Variants in PARP8 observed in about 807,000 individuals in gnomAD.
PARP8 encodes the protein poly(ADP-ribose) polymerase family member 8, also known as protein mono-ADP-ribosyltransferase PARP8.
A neutral mutation model predicts 124.1 loss-of-function variants in PARP8; 51 were observed. The observed-to-expected ratio is 0.41, with a 90% confidence interval of 0.33 to 0.52. The LOEUF is 0.52. PARP8 is among the 20% of genes least tolerant of loss of function. PARP8 has a pLI of 0.21. For missense variants in PARP8, 860 were observed against 1,018.9 expected (o/e 0.84, Z 2.12); for synonymous variants, 391 against 361.5 (o/e 1.08, Z -0.93).
At chr5:50,793,675 G>A (rs546908674) in intron 10 of PARP8, among the ~76,000 whole-genome samples, 3 of 152,226 alleles carry the variant, frequency 2.0e-5, no homozygotes, top group South Asian at 4.1e-4. Context: ...CCAGTTCTGC[G>A]TGTTTTCTTT....
Position 50,829,937 on chromosome 5 carries a change from T to A in PARP8, c.2209T>A (p.Ser737Thr). 1 of 1,609,288 alleles carries A rather than the reference T, an allele frequency of 6.2e-7. No homozygotes were observed. Among genetic ancestry groups the A allele is most frequent in the Non-Finnish European group, 8.5e-7 (1 of 1,177,374 alleles). Residue 737 changes from serine (S) to threonine (T), a missense_variant, in exon 22 of 26, where the codon TCA becomes ACA. This residue lies in a region of PARP8 where 343 missense variants were observed against 474.7 expected (regional missense o/e 0.72). Coordinates refer to ENST00000281631, the MANE Select transcript of PARP8 (RefSeq NM_024615.4). ...AAGTGGAATCTATCTTAGTCCAATGTCAAGCATATCATTTGGTTACTCAGG... is the reference window on the plus strand; with the variant it reads ...AAGTGGAATCTATCTTAGTCCAATGACAAGCATATCATTTGGTTACTCAGG... ...YGSGIYLSPM[S>T]SISFGYSGMN... is the part of the protein sequence containing the mutation.
chr5:50,711,821 A>G (rs1281505641), intron 2 of PARP8, among the ~76,000 whole-genome samples: 1 of 152,116 alleles, frequency 6.6e-6, no homozygotes, highest in Non-Finnish European at 1.5e-5. Flanking sequence ...GAGACACATC[A>G]CTGCTTTACC....
chr5:50,747,307 G>A lies in PARP8; in HGVS notation c.147-2844G>A, dbSNP rs141640300. Among the ~76,000 whole-genome samples, 189 of 151,740 alleles carry A rather than the reference G, an allele frequency of 1.2e-3. 1 individual carries two copies. The highest frequency in any genetic ancestry group is 4.4e-3 in the African/African-American group (181 of 41,378). Reference sequence around the variant, plus strand: ...GGCAAGATGAGCCAGGGAACCCAGGGTATAAGCTATGCTGACTCATGTTCA... The same window carrying A: ...GGCAAGATGAGCCAGGGAACCCAGGATATAAGCTATGCTGACTCATGTTCA... On this transcript the variant is annotated intron_variant, in intron 2 of 25. Coordinates refer to ENST00000281631, the MANE Select transcript of PARP8 (RefSeq NM_024615.4).
intron 2 of PARP8, among the ~76,000 whole-genome samples, chr5:50,728,459 A>G (rs1489462732): frequency 6.6e-6 from 1 of 152,126 alleles, no homozygotes; most frequent in Non-Finnish European, 1.5e-5. Flanking sequence ...TATGACATTC[A>G]GAGTGCAACT....
intron 2 of PARP8, among the ~76,000 whole-genome samples, chr5:50,731,946 A>C (rs1580129835): frequency 2.0e-5 from 3 of 152,170 alleles, no homozygotes; most frequent in Non-Finnish European, 4.4e-5. Context: ...GGGAGTGTTC[A>C]TGCATCTCCC....
chr5:50,799,948 C>G (rs1365403596), intron 14 of PARP8, among the ~76,000 whole-genome samples: 4 of 152,192 alleles, frequency 2.6e-5, no homozygotes, highest in South Asian at 2.1e-4. Context: ...ATCTTCCCAG[C>G]CTTCAAAACT....
Position 50,778,161 on chromosome 5 carries a change from G to A in PARP8, c.579+32G>A, listed in dbSNP as rs376804637. ...ATCAATTTTATGTAATATGAATGGT[G>A]CATTTAAAATACATTTTATTTTATT... On this transcript the variant is annotated intron_variant, in intron 8 of 25. Transcript: ENST00000281631. The A allele has an allele frequency of 5.1e-5, 73 of 1,419,194 alleles. No individual in the cohort carries two copies. In the Middle Eastern group the frequency reaches 5.4e-4, roughly 10 times the overall value. The allele number at this position is 1,419,194 out of a possible 1,614,324, so 87.9% of individuals were successfully genotyped here.
At chr5:50,688,275 T>G (rs965264408) in intron 2 of PARP8, among the ~76,000 whole-genome samples, 1 of 152,224 alleles carries the variant, frequency 6.6e-6, no homozygotes, top group Non-Finnish European at 1.5e-5. Flanking sequence ...ACAGTTGGAC[T>G]TAAGTAAGTA....
chr5:50,706,540 C>G (rs1487721921), intron 2 of PARP8, among the ~76,000 whole-genome samples: 1 of 151,926 alleles, frequency 6.6e-6, no homozygotes, highest in Non-Finnish European at 1.5e-5. Flanking sequence ...TTTAAGAGCT[C>G]AAAAGTTTGG....
chr5:50,729,765 C>T (rs1033856268), intron 2 of PARP8, among the ~76,000 whole-genome samples: 2 of 152,194 alleles, frequency 1.3e-5, no homozygotes, highest in African/African-American at 4.8e-5. Flanking sequence ...CTTCTTGACA[C>T]TGATGACAGC....
At chr5:50,713,155 G>C (rs557814090) in intron 2 of PARP8, among the ~76,000 whole-genome samples, 4 of 152,168 alleles carry the variant, frequency 2.6e-5, no homozygotes, top group Middle Eastern at 3.4e-3. Context: ...TTATAGATCT[G>C]TGGTGATGTT....
At chr5:50,725,020 A>G (rs1756276633) in intron 2 of PARP8, among the ~76,000 whole-genome samples, 4 of 151,862 alleles carry the variant, frequency 2.6e-5, no homozygotes, top group African/African-American at 4.8e-5. Context: ...GTTGCTGTAG[A>G]ACACATTATT....
chr5:50,802,744 T>G (rs1227653351), intron 14 of PARP8, among the ~76,000 whole-genome samples: 1 of 152,178 alleles, frequency 6.6e-6, no homozygotes, highest in Non-Finnish European at 1.5e-5. Flanking sequence ...TCAACATAAA[T>G]TTATGATTAT....
At chr5:50,762,333 C>T (rs1488998934) in intron 6 of PARP8, among the ~76,000 whole-genome samples, 1 of 152,012 alleles carries the variant, frequency 6.6e-6, no homozygotes, top group Non-Finnish European at 1.5e-5. Context: ...TATTTGTATT[C>T]ACTGCCATTG....
chr5:50,806,686 C>T (rs1743879663), intron 14 of PARP8, among the ~76,000 whole-genome samples: 1 of 151,922 alleles, frequency 6.6e-6, no homozygotes, highest in African/African-American at 2.4e-5. Context: ...AGAAACTTTT[C>T]ATGTTGAAAG....
intron 10 of PARP8, among the ~76,000 whole-genome samples, chr5:50,793,461 A>G (rs1417635902): frequency 5.9e-5 from 9 of 152,326 alleles, no homozygotes; most frequent in Middle Eastern, 3.4e-3. Context: ...CACAGTTGGC[A>G]TTCCAGAATT....
intron 18 of PARP8, among the ~76,000 whole-genome samples, chr5:50,825,327 T>C (rs998573696): frequency 1.3e-5 from 2 of 152,226 alleles, no homozygotes; most frequent in Admixed American, 6.5e-5. Flanking sequence ...GACTAAGTGA[T>C]CAAACTCAGT....
intron 2 of PARP8, among the ~76,000 whole-genome samples, chr5:50,693,803 T>C (rs978664103): frequency 6.6e-6 from 1 of 151,436 alleles, no homozygotes; most frequent in Non-Finnish European, 1.5e-5. Flanking sequence ...TGTGGATTAA[T>C]TGTATGATTA....
In PARP8 at chr5:50,815,532, C is replaced by A; in HGVS notation, c.1668+8C>A. ...ATAGCAACTGGAGCTCAGGTAGTAA[C>A]ACAGGATACTAATTATTTCTTATTT... On this transcript the variant is annotated splice_region_variant and intron_variant, in intron 15 of 25. Coordinates refer to ENST00000281631, the MANE Select transcript of PARP8 (RefSeq NM_024615.4). 6.4e-7 allele frequency: 1 copy of A among 1,564,170 alleles called. No homozygotes were observed. Among genetic ancestry groups the A allele is most frequent in the Non-Finnish European group, 8.7e-7 (1 of 1,155,012 alleles).
Sources: allele counts gnomAD v4.1 joint callset (sites outside exome capture counted in the v4.1 genomes callset), GRCh38; gene constraint gnomAD v4.1.1; regional missense constraint gnomAD v4.1.1; transcripts MANE v1.5; gene names NCBI Gene and HGNC (gene_info 2026-07-23, HGNC 2026-07-21).